The following FMN1 variants were observed in gnomAD, a reference collection of about 807,000 sequenced individuals.
FMN1 encodes formin 1.
In FMN1, 110 loss-of-function variants were observed where a neutral mutation model predicts 132.4. The observed-to-expected ratio is 0.83, with a 90% CI of 0.71 to 0.97. The LOEUF (loss-of-function observed/expected upper bound fraction) is 0.97, where lower values mean the gene tolerates loss of function less well. FMN1 is among the 50% of genes least tolerant of loss of function. FMN1 has a pLI of 0.00. For missense variants in FMN1, 1,792 were observed against 1,705.3 expected (o/e 1.05, Z -0.90); for synonymous variants, 722 against 651.7 (o/e 1.11, Z -1.64).
At chr15:32,944,388 C>A (rs1254744024) in intron 9 of FMN1, among the ~76,000 whole-genome samples, 1 of 152,198 alleles carries the variant, frequency 6.6e-6, no homozygotes, top group Non-Finnish European at 1.5e-5. Flanking sequence ...CCTGGTAGGC[C>A]TCTGGGAAGA....
intron 4 of FMN1, among the ~76,000 whole-genome samples, chr15:33,117,704 GA>G (rs887660130): frequency 3.7e-5 from 3 of 81,038 alleles, no homozygotes; most frequent in African/African-American, 5.8e-5. Flanking sequence ...ATTTACTAGA[GA>G]TTAACTATTA....
At chr15:32,803,189 T>A (rs2057538949) in intron 18 of FMN1, among the ~76,000 whole-genome samples, 1 of 152,232 alleles carries the variant, frequency 6.6e-6, no homozygotes, top group Non-Finnish European at 1.5e-5. Context: ...TAACTGTTCC[T>A]CTCACACATT....
rs536213703 is a variant in FMN1 at position 32,768,749 on chromosome 15, G to A, written c.*5561C>T. 8.0e-4 allele frequency: 121 copies of A among 151,780 alleles called. No homozygotes were observed. Among genetic ancestry groups the A allele is most frequent in the African/African-American group, 2.8e-3 (117 of 41,314 alleles). The allele number at this position is 151,780 out of a possible 1,614,324, so 9.4% of individuals were successfully genotyped here. On this transcript the variant is annotated 3_prime_UTR_variant, in exon 21 of 21. Transcript: ENST00000616417. ...TGTAGTTGGATCAGCCTTTAGAAAA[G>A]GAGACTAGAGATTCTCAGTATATTT... is the stretch of plus-strand genomic sequence containing the variant.
intron 4 of FMN1, among the ~76,000 whole-genome samples, chr15:33,109,470 A>T (rs1228524711): frequency 6.6e-6 from 1 of 152,118 alleles, no homozygotes; most frequent in Non-Finnish European, 1.5e-5. Context: ...TGGATAAAGA[A>T]AATGTGGTAT....
rs1391330313 is a variant in FMN1 at position 33,154,567 on chromosome 15, C to T, written c.348G>A (p.Glu116=). The T allele has an allele frequency of 2.7e-5, 41 of 1,536,114 alleles. No individual in the cohort carries two copies. Among genetic ancestry groups the T allele is most frequent in the Non-Finnish European group, 3.6e-5 (41 of 1,146,926 alleles). Reference sequence around the variant, plus strand: ...TCACGGACAGCTCTTGCAGCTTCCCCTCCTGGTTCCCCATCGTGATCCCCA... The same window carrying T: ...TCACGGACAGCTCTTGCAGCTTCCCTTCCTGGTTCCCCATCGTGATCCCCA... ...HILGITMGNQ[E]GKLQELSVSL... Residue 116 remains glutamate, a synonymous_variant, in exon 4 of 21, where the codon GAG becomes GAA. Coordinates refer to ENST00000616417, the MANE Select transcript of FMN1 (RefSeq NM_001277313.2).
intron 17 of FMN1, among the ~76,000 whole-genome samples, chr15:32,811,397 A>G (rs1312832342): frequency 2.0e-5 from 3 of 152,176 alleles, no homozygotes; most frequent in Non-Finnish European, 2.9e-5. Flanking sequence ...CATGCTGTCA[A>G]GGTTCCTAGT....
intron 7 of FMN1, among the ~76,000 whole-genome samples, chr15:33,000,947 G>T (rs1378130441): frequency 6.6e-6 from 1 of 152,140 alleles, no homozygotes; most frequent in Admixed American, 6.5e-5. Flanking sequence ...AAGCACACAG[G>T]CACAAGTACA....
intron 6 of FMN1, among the ~76,000 whole-genome samples, chr15:33,028,273 T>G (rs1182087902): frequency 6.6e-6 from 1 of 152,144 alleles, no homozygotes; most frequent in African/African-American, 2.4e-5. Flanking sequence ...CAGTGACACC[T>G]GGGGAAGGCC....
chr15:33,021,462 C>G (rs345845), intron 6 of FMN1, among the ~76,000 whole-genome samples: 121,894 of 152,028 alleles, frequency 0.8, 49,682 homozygotes, highest in Middle Eastern at 0.88. Flanking sequence ...CACACACACA[C>G]AGAGAAAAAG....
chr15:32,986,839 A>G (rs1054230962), intron 7 of FMN1, among the ~76,000 whole-genome samples: 1 of 152,156 alleles, frequency 6.6e-6, no homozygotes, highest in Non-Finnish European at 1.5e-5. Flanking sequence ...ATTCATCTCC[A>G]TAATTTGTGC....
At chr15:32,828,014 T>G (rs1975678) in intron 17 of FMN1, among the ~76,000 whole-genome samples, 1 of 151,616 alleles carries the variant, frequency 6.6e-6, no homozygotes, top group Non-Finnish European at 1.5e-5. Context: ...GGACCCAGGC[T>G]GGGTGTGGTG....
At chr15:33,057,981 TATG>T (rs1350117078) in intron 6 of FMN1, among the ~76,000 whole-genome samples, 1 of 150,742 alleles carries the variant, frequency 6.6e-6, no homozygotes. Flanking sequence ...AAGTGAAAAG[TATG>T]ATGGGGCTGG....
chr15:32,956,974 T>A (rs1194140343), intron 9 of FMN1, among the ~76,000 whole-genome samples: 2 of 152,166 alleles, frequency 1.3e-5, no homozygotes, highest in Non-Finnish European at 2.9e-5. Flanking sequence ...TTACAATCAA[T>A]GCTGAAGGCT....
At chr15:33,064,909 T>C (rs561147229) in intron 6 of FMN1, 48 bp downstream of exon 6, 54 of 1,315,976 alleles carry the variant, frequency 4.1e-5, no homozygotes, top group Admixed American at 3.8e-4. Context: ...CTAAAAGCCA[T>C]TGCAGGAAGA....
chr15:33,013,438 ATAT>A (rs1365568546), intron 6 of FMN1, among the ~76,000 whole-genome samples: 1 of 152,012 alleles, frequency 6.6e-6, no homozygotes, highest in Non-Finnish European at 1.5e-5. Context: ...GCAAGCAATA[ATAT>A]TAACAAAACT....
chr15:32,940,427 G>C (rs1371029628), intron 9 of FMN1, among the ~76,000 whole-genome samples: 3 of 146,280 alleles, frequency 2.1e-5, no homozygotes, highest in Non-Finnish European at 3.0e-5. Flanking sequence ...GTGTGTGTGT[G>C]TGTGTCTGTT....
chr15:32,780,497 T>G (rs1355723201), intron 19 of FMN1, among the ~76,000 whole-genome samples: 1 of 152,216 alleles, frequency 6.6e-6, no homozygotes, highest in African/African-American at 2.4e-5. Context: ...ATTTAGCATG[T>G]CATCAAAAAA....
intron 9 of FMN1, among the ~76,000 whole-genome samples, chr15:32,936,783 G>GA (rs2061284362): frequency 6.6e-6 from 1 of 152,070 alleles, no homozygotes; most frequent in Non-Finnish European, 1.5e-5. Flanking sequence ...GGAAGCAGAG[G>GA]AAGAAGAAAA....
intron 6 of FMN1, among the ~76,000 whole-genome samples, chr15:33,031,891 A>G (rs1473863000): frequency 1.3e-5 from 2 of 152,278 alleles, no homozygotes; most frequent in Non-Finnish European, 2.9e-5. Context: ...AAATATTGAT[A>G]AAGCAGTAAT....
Sources: allele counts gnomAD v4.1 joint callset (sites outside exome capture counted in the v4.1 genomes callset), GRCh38; gene constraint gnomAD v4.1.1; transcripts MANE v1.5; gene names NCBI Gene and HGNC (gene_info 2026-07-23, HGNC 2026-07-21).